The following KSR2 variants were observed in gnomAD, a reference collection of about 807,000 sequenced individuals.
KSR2 encodes the protein kinase suppressor of ras 2.
In KSR2, 25 loss-of-function variants were observed where a neutral mutation model predicts 107.8. The ratio of observed to expected loss-of-function variants is 0.23; its 90% CI spans 0.17 to 0.32. KSR2 has a LOEUF of 0.32. Ranked by LOEUF, KSR2 falls within the 10% of genes least tolerant of loss-of-function variation. The pLI, the probability that KSR2 is intolerant of heterozygous loss-of-function variation, is 1.00. For synonymous variants in KSR2, 480 were observed against 507.0 expected, an observed-to-expected ratio of 0.95 and a Z score of 0.71; for missense variants, 887 against 1,268.9, an observed-to-expected ratio of 0.70 and a Z score of 4.57.
At chr12:117,767,855 G>C (rs1357046736) in intron 3 of KSR2, among the ~76,000 whole-genome samples, 1 of 151,748 alleles carries the variant, frequency 6.6e-6, no homozygotes, top group Non-Finnish European at 1.5e-5. Flanking sequence ...CCAGGGTTTT[G>C]CTCTTCTAAG....
intron 4 of KSR2, among the ~76,000 whole-genome samples, chr12:117,754,801 A>C (rs1469204381): frequency 6.6e-6 from 1 of 152,196 alleles, no homozygotes; most frequent in Non-Finnish European, 1.5e-5. Flanking sequence ...ACTCCATCTC[A>C]AAAAATAAAA....
chr12:117,673,965 C>CCA (rs1885018005), intron 4 of KSR2, among the ~76,000 whole-genome samples: 2 of 152,066 alleles, frequency 1.3e-5, no homozygotes, highest in African/African-American at 4.8e-5. Flanking sequence ...TCTGGATGGG[C>CCA]CAGCAAGTCA....
At chr12:117,512,205 GT>G (rs1193902669) in intron 14 of KSR2, among the ~76,000 whole-genome samples, 1 of 152,162 alleles carries the variant, frequency 6.6e-6, no homozygotes, top group Non-Finnish European at 1.5e-5. Flanking sequence ...TCTGAGGGAC[GT>G]TTTTCTAGTT....
At chr12:117,576,669 T>A (rs1279219704) in intron 7 of KSR2, among the ~76,000 whole-genome samples, 1 of 151,506 alleles carries the variant, frequency 6.6e-6, no homozygotes, top group Non-Finnish European at 1.5e-5. Context: ...GCTAATTTTT[T>A]ACCTTAATTT....
At chr12:117,679,677 T>C (rs1421514734) in intron 4 of KSR2, among the ~76,000 whole-genome samples, 1 of 152,186 alleles carries the variant, frequency 6.6e-6, no homozygotes, top group African/African-American at 2.4e-5. Context: ...TGCTGTCTTT[T>C]AGCCCATCTG....
intron 3 of KSR2, among the ~76,000 whole-genome samples, chr12:117,819,273 A>T (rs1891480904): frequency 6.6e-6 from 1 of 152,134 alleles, no homozygotes; most frequent in Non-Finnish European, 1.5e-5. Context: ...CTGCAGGTGT[A>T]CACCAGCTAG....
At chr12:117,655,956 CG>C (rs745964040) in intron 5 of KSR2, among the ~76,000 whole-genome samples, 3 of 152,098 alleles carry the variant, frequency 2.0e-5, no homozygotes, top group Non-Finnish European at 4.4e-5. Context: ...ACAAATGACC[CG>C]GACCCTTCAG....
At chr12:117,646,766 G>A (rs551728840) in intron 5 of KSR2, among the ~76,000 whole-genome samples, 33 of 152,210 alleles carry the variant, frequency 2.2e-4, no homozygotes, top group South Asian at 8.3e-4. Flanking sequence ...TCAAAGCCCC[G>A]GCATTGCTCC....
intron 16 of KSR2, among the ~76,000 whole-genome samples, chr12:117,479,870 G>A (rs1872048160): frequency 6.6e-6 from 1 of 152,072 alleles, no homozygotes; most frequent in Non-Finnish European, 1.5e-5. Context: ...ATGGAACCTT[G>A]AGCAGACCCA....
At chr12:117,754,144 C>T (rs603863) in intron 4 of KSR2, among the ~76,000 whole-genome samples, 135,887 of 152,154 alleles carry the variant, frequency 0.89, 60,951 homozygotes, top group African/African-American at 0.97. Context: ...AGTTCTAACA[C>T]ATTCCAACAC....
intron 1 of KSR2, among the ~76,000 whole-genome samples, chr12:117,904,265 T>C (rs2137404354): frequency 6.6e-6 from 1 of 152,248 alleles, no homozygotes. Flanking sequence ...CTCACAGGAA[T>C]CTCCTCCATG....
At chr12:117,739,211 C>T (rs927172172) in intron 4 of KSR2, among the ~76,000 whole-genome samples, 17 of 151,814 alleles carry the variant, frequency 1.1e-4, no homozygotes, top group Non-Finnish European at 1.9e-4. Context: ...AAAAATTAGC[C>T]GGGCGTGGTA....
chr12:117,628,013 C>T (rs578219095), intron 5 of KSR2, among the ~76,000 whole-genome samples: 9 of 152,016 alleles, frequency 5.9e-5, no homozygotes, highest in East Asian at 3.9e-4. Flanking sequence ...AGTTTGTGCA[C>T]GCGTCACGAA....
At chr12:117,935,133 ATTC>A (rs910838213) in intron 1 of KSR2, among the ~76,000 whole-genome samples, 38 of 151,242 alleles carry the variant, frequency 2.5e-4, no homozygotes, top group African/African-American at 8.0e-4. Context: ...CTGCCTTCTT[ATTC>A]TTCTTCTTTT....
intron 1 of KSR2, among the ~76,000 whole-genome samples, chr12:117,901,550 G>C (rs1894684636): frequency 6.6e-6 from 1 of 152,074 alleles, no homozygotes; most frequent in African/African-American, 2.4e-5. Flanking sequence ...CAATTGGCTT[G>C]CCTAGGCCTC....
In KSR2 at chr12:117,901,308, C is replaced by CT. The variant is rs201097214; in HGVS notation, c.181-40878dup. The stretch of plus-strand genomic sequence containing the variant: ...ATGCCATACTTTTTTTTCTTTTTTT[C>CT]TTTTTTTTTTTTGAGACAGAATCTC... On this transcript the variant is annotated intron_variant, in intron 1 of 19. Transcript: ENST00000339824. Among the ~76,000 whole-genome samples the CT allele has an allele frequency of 8.1e-3, 1,169 of 144,362 alleles. 16 individuals are homozygous for CT. The highest frequency in any genetic ancestry group is 0.038 in the East Asian group (190 of 5,006). The allele number at this position is 144,362 out of a possible 152,430, so 94.7% of individuals were successfully genotyped here.
chr12:117,939,691 G>A (rs866534024), intron 1 of KSR2, among the ~76,000 whole-genome samples: 7 of 151,782 alleles, frequency 4.6e-5, no homozygotes, highest in African/African-American at 1.5e-4. Context: ...CAGCCTGGGC[G>A]ACAGTGCAAG....
Position 117,458,709 on chromosome 12 carries a change from C to T in KSR2, c.*8490G>A, listed in dbSNP as rs1870748062. On this transcript the variant is annotated 3_prime_UTR_variant, in exon 20 of 20. Transcript: ENST00000339824. ...AAGAGGCAGTGGACAAGAAGGTACT[C>T]TCAGCCACCGAGCTGGTGATTAGAG... The T allele has an allele frequency of 6.6e-6, 1 of 152,170 alleles. No homozygotes were observed. Among genetic ancestry groups the T allele is most frequent in the African/African-American group, 2.4e-5 (1 of 41,444 alleles). The allele number at this position is 152,170 out of a possible 1,614,324, so 9.4% of individuals were successfully genotyped here. A position where few individuals can be genotyped will look rare whatever the true frequency, so the allele number is the denominator to read the frequency against.
chr12:117,474,518 G>T (rs1398615212), intron 17 of KSR2, among the ~76,000 whole-genome samples: 2 of 151,936 alleles, frequency 1.3e-5, no homozygotes, highest in South Asian at 2.1e-4. Context: ...GCACTCATCT[G>T]CAGGCCTGCA....
Sources: allele counts gnomAD v4.1 joint callset (sites outside exome capture counted in the v4.1 genomes callset), GRCh38; gene constraint gnomAD v4.1.1; transcripts MANE v1.5; gene names NCBI Gene and HGNC (gene_info 2026-07-23, HGNC 2026-07-21).